SNTG1: variants seen among roughly 807,000 people sequenced by gnomAD.
SNTG1 encodes the protein gamma-1-syntrophin.
Under a neutral mutation model 74.7 loss-of-function variants are expected in SNTG1, and 39 were observed. That is an observed-to-expected ratio of 0.52 (90% CI 0.40 to 0.68). The LOEUF (loss-of-function observed/expected upper bound fraction) is 0.68, where lower values mean the gene tolerates loss of function less well. Ranked by LOEUF, SNTG1 falls within the 30% of genes least tolerant of loss-of-function variation. The pLI, the probability that SNTG1 is intolerant of heterozygous loss-of-function variation, is 0.00. For missense variants in SNTG1, 685 were observed against 609.5 expected, an observed-to-expected ratio of 1.12 and a Z score of -1.30; for synonymous variants, 254 against 217.1, an observed-to-expected ratio of 1.17 and a Z score of -1.49.
chr8:50,160,170 A>C (rs2082371293), intron 1 of SNTG1, among the ~76,000 whole-genome samples: 2 of 152,212 alleles, frequency 1.3e-5, no homozygotes, highest in African/African-American at 4.8e-5. Context: ...TCTTCTGAGA[A>C]AAATTTACTA....
intron 8 of SNTG1, among the ~76,000 whole-genome samples, chr8:50,501,418 C>A (rs186820489): frequency 2.2e-5 from 3 of 137,230 alleles, no homozygotes; most frequent in Admixed American, 7.7e-5. Flanking sequence ...GAGAGATGAG[C>A]CTGTGCGTTT....
chr8:50,208,210 T>G (rs1227893041), intron 2 of SNTG1, among the ~76,000 whole-genome samples: 4 of 152,186 alleles, frequency 2.6e-5, no homozygotes, highest in Non-Finnish European at 5.9e-5. Flanking sequence ...TAAGTCTCTT[T>G]GTAGGTCTCT....
At chr8:50,608,064 A>G (rs190268147) in intron 13 of SNTG1, among the ~76,000 whole-genome samples, 1 of 151,536 alleles carries the variant, frequency 6.6e-6, no homozygotes, top group East Asian at 1.9e-4. Flanking sequence ...GTTTTTAGTC[A>G]GAGAACATAT....
At chr8:50,708,846 C>A (rs1004176465) in intron 16 of SNTG1, 40 bp from the exon 17 acceptor site, 8 of 1,370,074 alleles carry the variant, frequency 5.8e-6, no homozygotes, top group Non-Finnish European at 7.3e-6. Context: ...GATATTGCAT[C>A]AATAACATGA....
At chr8:50,756,148 T>G (rs917715387) in intron 18 of SNTG1, among the ~76,000 whole-genome samples, 1 of 151,900 alleles carries the variant, frequency 6.6e-6, no homozygotes, top group Admixed American at 6.6e-5. Context: ...ATATTTTCCT[T>G]AGCATCTTTT....
chr8:50,676,620 C>G (rs2095310735), intron 15 of SNTG1, among the ~76,000 whole-genome samples: 1 of 151,750 alleles, frequency 6.6e-6, no homozygotes. Context: ...TTAGTTTTTT[C>G]TTATCTAGTG....
At chr8:50,472,920 T>C (rs2093664657) in intron 8 of SNTG1, among the ~76,000 whole-genome samples, 1 of 151,968 alleles carries the variant, frequency 6.6e-6, no homozygotes, top group Non-Finnish European at 1.5e-5. Flanking sequence ...CAAAAAAACA[T>C]ATGAAAAAAT....
intron 2 of SNTG1, among the ~76,000 whole-genome samples, chr8:50,252,901 T>C (rs192168677): frequency 6.6e-6 from 1 of 152,010 alleles, no homozygotes; most frequent in African/African-American, 2.4e-5. Flanking sequence ...ATAGAAGAAA[T>C]ACACATGGCT....
intron 15 of SNTG1, among the ~76,000 whole-genome samples, chr8:50,688,041 G>T (rs570874893): frequency 2.6e-5 from 4 of 152,078 alleles, no homozygotes; most frequent in African/African-American, 9.7e-5. Context: ...TTTTTTGGCT[G>T]CATAAATGTC....
chr8:50,670,571 T>A, intron 15 of SNTG1, among the ~76,000 whole-genome samples: 1 of 148,564 alleles, frequency 6.7e-6, no homozygotes, highest in East Asian at 2.0e-4. Context: ...GAACATTCCA[T>A]GCTCATGGGT....
At chr8:50,378,560 C>G (rs985053807) in intron 2 of SNTG1, among the ~76,000 whole-genome samples, 1 of 152,096 alleles carries the variant, frequency 6.6e-6, no homozygotes, top group Non-Finnish European at 1.5e-5. Context: ...CAAAGAGGAG[C>G]TTTATTGATA....
chr8:50,562,144 CATCTTATAAG>C (rs1406953129), intron 12 of SNTG1, among the ~76,000 whole-genome samples: 2 of 152,184 alleles, frequency 1.3e-5, no homozygotes, highest in African/African-American at 4.8e-5. Context: ...ATCTTGGTTT[CATCTTATAAG>C]ATTTAACTCT....
At position 50,449,610 on chromosome 8, in the gene SNTG1, GC is replaced by G. The variant is rs1202500258; in HGVS notation, c.220-57del. On this transcript the variant is annotated intron_variant, in intron 5 of 18. Coordinates refer to ENST00000642720, the MANE Select transcript of SNTG1 (RefSeq NM_018967.5). ...CCTTCAGAGCCTGTATGGTTTCTTAGCTAAAAGCAGCATTTTTTTTAGATTA... is the reference window on the plus strand; with the variant it reads ...CCTTCAGAGCCTGTATGGTTTCTTAGTAAAAGCAGCATTTTTTTTAGATTA... 3 of 1,396,962 alleles carry G rather than the reference GC, an allele frequency of 2.1e-6. No individual in the cohort carries two copies. In the East Asian group the frequency reaches 7.4e-5, roughly 35 times the overall value. The allele number at this position is 1,396,962 out of a possible 1,614,324, so 86.5% of individuals were successfully genotyped here.
At chr8:50,480,068 AC>A (rs1289025703) in intron 8 of SNTG1, among the ~76,000 whole-genome samples, 1 of 152,214 alleles carries the variant, frequency 6.6e-6, no homozygotes, top group Non-Finnish European at 1.5e-5. Flanking sequence ...GGCTAGAATT[AC>A]ATGTCAAACA....
At chr8:50,241,285 T>A (rs904693906) in intron 2 of SNTG1, among the ~76,000 whole-genome samples, 1 of 152,200 alleles carries the variant, frequency 6.6e-6, no homozygotes, top group Non-Finnish European at 1.5e-5. Context: ...TAAAGTCAAA[T>A]ATATAGAAAG....
chr8:50,109,846 C>G (rs2080514400), intron 1 of SNTG1, among the ~76,000 whole-genome samples: 1 of 152,166 alleles, frequency 6.6e-6, no homozygotes, highest in Non-Finnish European at 1.5e-5. Context: ...GGCAACAGCC[C>G]TGAGAGTCTG....
At position 50,511,777 on chromosome 8, in the gene SNTG1, C is replaced by T. The variant is rs192701870; in HGVS notation, c.466+8897C>T. On this transcript the variant is annotated intron_variant, in intron 9 of 18. Coordinates refer to ENST00000642720, the MANE Select transcript of SNTG1 (RefSeq NM_018967.5). ...GTTTTCCATTTGCTTGGTAGATCTT[C>T]CTCGATCCCTTTATTTTGAGCCTAT... Among the ~76,000 whole-genome samples, 373 of 152,276 alleles carry T rather than the reference C, an allele frequency of 2.4e-3. 1 individual carries two copies. Among genetic ancestry groups the T allele is most frequent in the Middle Eastern group, 6.8e-3 (2 of 294 alleles).
chr8:50,291,949 A>C (rs1487530867), intron 2 of SNTG1, among the ~76,000 whole-genome samples: 1 of 151,936 alleles, frequency 6.6e-6, no homozygotes. Flanking sequence ...CATTTATTGA[A>C]ATGGAGGGAA....
chr8:50,698,221 C>G (rs1011882666), intron 15 of SNTG1, among the ~76,000 whole-genome samples: 2 of 152,074 alleles, frequency 1.3e-5, no homozygotes, highest in African/African-American at 4.8e-5. Flanking sequence ...TCTAGGTTTT[C>G]TAGTTTGTGA....
Sources: gnomAD v4.1 joint callset for allele counts (sites outside exome capture counted in the v4.1 genomes callset) on GRCh38, gnomAD v4.1.1 for gene constraint, MANE v1.5 for transcripts, NCBI Gene and HGNC (gene_info 2026-07-23, HGNC 2026-07-21) for gene names.